The following GNG2 variants were observed in gnomAD, a reference collection of about 807,000 sequenced individuals.
The protein encoded by GNG2 is G protein subunit gamma 2.
A neutral mutation model predicts 5.5 loss-of-function variants in GNG2; 5 were observed. The observed-to-expected ratio is 0.91, with a 90% CI of 0.48 to 1.92. GNG2 has a LOEUF of 1.92. Ranked by LOEUF, GNG2 falls within the 30% of genes most tolerant of loss-of-function variation. The pLI, the probability that GNG2 is intolerant of heterozygous loss-of-function variation, is 0.01. For synonymous variants in GNG2, 28 were observed against 32.0 expected (o/e 0.88, Z 0.42); for missense variants, 55 against 88.4 (o/e 0.62, Z 1.52).
At chr14:51,851,758 C>G (rs1881918578) in intron 2 of GNG2, among the ~76,000 whole-genome samples, 1 of 152,156 alleles carries the variant, frequency 6.6e-6, no homozygotes, top group African/African-American at 2.4e-5. Flanking sequence ...TCTTTAAAAT[C>G]TTATCTTTTC....
intron 2 of GNG2, among the ~76,000 whole-genome samples, chr14:51,891,529 A>G (rs1884853900): frequency 6.6e-6 from 1 of 152,196 alleles, no homozygotes; most frequent in South Asian, 2.1e-4. Context: ...TACCACCTTT[A>G]AAAACTCCTG....
intron 2 of GNG2, among the ~76,000 whole-genome samples, chr14:51,879,407 C>T (rs1469339245): frequency 2.6e-5 from 4 of 152,092 alleles, no homozygotes; most frequent in South Asian, 2.1e-4. Context: ...AGCAAAATAC[C>T]AGCAAGGCAT....
chr14:51,857,956 TC>T (rs1379732009), upstream of GNG2, among the ~76,000 whole-genome samples: 1 of 152,120 alleles, frequency 6.6e-6, no homozygotes, highest in African/African-American at 2.4e-5. Flanking sequence ...CAAAATTATG[TC>T]CTCCTCATTA....
intron 2 of GNG2, chr14:51,913,306 T>G (rs3742540): frequency 0.21 from 31,567 of 151,924 alleles, 4,428 homozygotes; most frequent in African/African-American, 0.4. Flanking sequence ...GCCAGGAGTT[T>G]GAGACCAGCA....
At position 51,836,969 on chromosome 14, in the gene GNG2, T is replaced by G. The variant is rs919334229; in HGVS notation, c.64+9162T>G. The stretch of plus-strand genomic sequence containing the variant: ...GCCTCCCGGGTTCAAGCGATTCTCC[T>G]GCCTCAGCCTCCAAAGTAGCTAGGA... On this transcript the variant is annotated intron_variant, in intron 2 of 3. Coordinates refer to the GNG2 transcript ENST00000553432. 2.0e-5 allele frequency among the ~76,000 whole-genome samples: 3 copies of G among 151,206 alleles called. No homozygotes were observed. The Admixed American group carries it at 2.0e-4, about 10-fold the overall frequency.
In GNG2 at chr14:51,893,149, A is replaced by G. The variant is rs149009287; in HGVS notation, c.-30+15492A>G. On this transcript the variant is annotated intron_variant, in intron 2 of 3. Coordinates refer to ENST00000556766, the MANE Select transcript of GNG2 (RefSeq NM_053064.5). The stretch of plus-strand genomic sequence containing the variant: ...ATCCCAAACAGGGGGATTGTTGAGT[A>G]AAAGCACTTAGGTCTCTTACATTTT... Among the ~76,000 whole-genome samples, 138 of 152,336 alleles carry G rather than the reference A, an allele frequency of 9.1e-4. 1 individual carries two copies. Among genetic ancestry groups the G allele is most frequent in the African/African-American group, 3.2e-3 (134 of 41,580 alleles).
chr14:51,832,252 G>T (rs1415160189), intron 2 of GNG2, among the ~76,000 whole-genome samples: 1 of 150,190 alleles, frequency 6.7e-6, no homozygotes, highest in Admixed American at 6.7e-5. Context: ...TGACACTCCA[G>T]CCTAGCCAAC....
chr14:51,867,977 A>G (rs1053552398), intron 1 of GNG2, among the ~76,000 whole-genome samples: 6 of 152,090 alleles, frequency 3.9e-5, no homozygotes, highest in African/African-American at 1.4e-4. Flanking sequence ...TCCTTATACC[A>G]CACAATGCAG....
intron 2 of GNG2, among the ~76,000 whole-genome samples, chr14:51,900,745 A>C (rs140187238): frequency 8.3e-4 from 127 of 152,160 alleles, no homozygotes; most frequent in African/African-American, 3.0e-3. Context: ...TTGCTTTCCT[A>C]AAGTTCTTTC....
At chr14:51,965,011 C>T (rs1889814759) in intron 3 of GNG2, among the ~76,000 whole-genome samples, 1 of 152,164 alleles carries the variant, frequency 6.6e-6, no homozygotes, top group Admixed American at 6.5e-5. Flanking sequence ...GAGGGTTCCT[C>T]ATAAATTATT....
intron 2 of GNG2, among the ~76,000 whole-genome samples, chr14:51,852,049 C>T (rs369043111): frequency 7.2e-5 from 11 of 151,892 alleles, no homozygotes; most frequent in African/African-American, 2.4e-4. Context: ...TGAGGGTGTA[C>T]GTAAATATTT....
intron 2 of GNG2, among the ~76,000 whole-genome samples, chr14:51,928,862 C>G (rs972805101): frequency 2.6e-5 from 4 of 151,926 alleles, no homozygotes; most frequent in African/African-American, 9.7e-5. Flanking sequence ...CGTGAGCCAC[C>G]GCGCCTGGCC....
chr14:51,889,212 A>C (rs1356694933), intron 2 of GNG2, among the ~76,000 whole-genome samples: 1 of 149,954 alleles, frequency 6.7e-6, no homozygotes, highest in Non-Finnish European at 1.5e-5. Flanking sequence ...TCCTGAGTTC[A>C]AGCAATTCTC....
chr14:51,898,082 T>G (rs891624480), intron 2 of GNG2, among the ~76,000 whole-genome samples: 2 of 152,214 alleles, frequency 1.3e-5, no homozygotes, highest in Non-Finnish European at 2.9e-5. Context: ...TCAAGTGAAT[T>G]GCCTGTGTCC....
intron 2 of GNG2, among the ~76,000 whole-genome samples, chr14:51,900,627 T>A (rs1885484131): frequency 1.3e-5 from 2 of 150,824 alleles, no homozygotes; most frequent in Non-Finnish European, 1.5e-5. Flanking sequence ...TTGGAACATT[T>A]TTCTTAACAG....
chr14:51,941,198 A>G (rs1470516318), intron 2 of GNG2, among the ~76,000 whole-genome samples: 2 of 152,200 alleles, frequency 1.3e-5, no homozygotes, highest in African/African-American at 4.8e-5. Context: ...CAAACTAAAC[A>G]TGGGTTATGG....
chr14:51,937,671 A>T (rs1441540108), intron 2 of GNG2, among the ~76,000 whole-genome samples: 1 of 119,168 alleles, frequency 8.4e-6, no homozygotes, highest in Non-Finnish European at 1.5e-5. Flanking sequence ...ACATGTGCAC[A>T]TTGTGCAGGT....
At chr14:51,919,904 T>C (rs543760164) in intron 2 of GNG2, among the ~76,000 whole-genome samples, 1 of 152,196 alleles carries the variant, frequency 6.6e-6, no homozygotes, top group Non-Finnish European at 1.5e-5. Context: ...AAAATAGATA[T>C]GGCCCCTGTC....
chr14:51,961,798 T>C (rs1200477672), intron 3 of GNG2, among the ~76,000 whole-genome samples: 1 of 152,112 alleles, frequency 6.6e-6, no homozygotes, highest in East Asian at 1.9e-4. Flanking sequence ...CTTGGAGCTT[T>C]CAAAAAGTAA....
Sources: allele counts gnomAD v4.1 joint callset (sites outside exome capture counted in the v4.1 genomes callset), GRCh38; gene constraint gnomAD v4.1.1; transcripts MANE v1.5; gene names NCBI Gene and HGNC (gene_info 2026-07-23, HGNC 2026-07-21).